PRKN: variants seen among roughly 807,000 people sequenced by gnomAD.
PRKN encodes parkin RBR E3 ubiquitin protein ligase.
Under a neutral mutation model 59.5 loss-of-function variants are expected in PRKN, and 56 were observed. The observed-to-expected ratio is 0.94, with a 90% CI of 0.76 to 1.18. The LOEUF (loss-of-function observed/expected upper bound fraction) is 1.18. PRKN is among the 50% of genes most tolerant of loss of function. PRKN has a pLI of 0.00. For missense variants in PRKN, 657 were observed against 596.4 expected (o/e 1.10, Z -1.06); for synonymous variants, 250 against 222.1 (o/e 1.13, Z -1.12).
chr6:162,089,406 G>A (rs1779381165), intron 4 of PRKN, among the ~76,000 whole-genome samples: 1 of 152,094 alleles, frequency 6.6e-6, no homozygotes, highest in East Asian at 1.9e-4. Flanking sequence ...AGAATAACGG[G>A]TGCTGTCAAG....
At chr6:162,284,223 T>C (rs1333388096) in intron 2 of PRKN, among the ~76,000 whole-genome samples, 7 of 139,920 alleles carry the variant, frequency 5.0e-5, no homozygotes, top group Non-Finnish European at 7.7e-5. Flanking sequence ...TTCTTTTTTT[T>C]TTTTTTTTTT....
Position 162,189,586 on chromosome 6 carries a change from GCAC to G in PRKN, c.534+11542_534+11544del, listed in dbSNP as rs372108234. 3.8e-3 allele frequency among the ~76,000 whole-genome samples: 580 copies of G among 151,624 alleles called. 3 individuals carry two copies. Among genetic ancestry groups the G allele is most frequent in the African/African-American group, 0.014 (559 of 41,392 alleles). On this transcript the variant is annotated intron_variant, in intron 4 of 11. Transcript: ENST00000366898. ...TACTATGTGGCAGGCACTATGCTAAGCACCAAAGTATGGTCCCTGCCCCAAGGA... is the reference window on the plus strand; with the variant it reads ...TACTATGTGGCAGGCACTATGCTAAGCAAAGTATGGTCCCTGCCCCAAGGA...
intron 2 of PRKN, among the ~76,000 whole-genome samples, chr6:162,275,785 CA>C (rs60313068): frequency 4.0e-4 from 52 of 130,082 alleles, no homozygotes; most frequent in Middle Eastern, 3.7e-3. Flanking sequence ...AAATCCGTCT[CA>C]AAAAAAAAAA....
In PRKN at chr6:161,552,948, A is replaced by G. The variant is rs538343837; in HGVS notation, c.934-3945T>C. On this transcript the variant is annotated intron_variant, in intron 8 of 11. Coordinates refer to ENST00000366898, the MANE Select transcript of PRKN (RefSeq NM_004562.3). This position sits in a 1 kb window ranked among gnomAD's most constrained non-coding sequence, Gnocchi z 4.9. The stretch of plus-strand genomic sequence containing the variant: ...TGGGACTACAGGTGTGTACCACCAC[A>G]CCCAGCTAGCTTTTGTATTTTTAGT... Among the ~76,000 whole-genome samples the G allele has an allele frequency of 6.6e-6, 1 of 151,794 alleles. No individual in the cohort carries two copies. Among genetic ancestry groups the G allele is most frequent in the East Asian group, 1.9e-4 (1 of 5,142 alleles).
intron 10 of PRKN, chr6:161,370,016 C>T (rs770828970): frequency 1.6e-5 from 7 of 441,858 alleles, no homozygotes; most frequent in Middle Eastern, 3.3e-4. Flanking sequence ...TGATCACCAC[C>T]ATTATTACTT....
At chr6:161,519,441 A>G (rs564841953) in intron 9 of PRKN, among the ~76,000 whole-genome samples, 2 of 152,150 alleles carry the variant, frequency 1.3e-5, no homozygotes, top group South Asian at 2.1e-4. Flanking sequence ...TTTGATTAGT[A>G]TCAGGGTAGT....
chr6:162,633,309 C>A (rs2155499), intron 1 of PRKN, among the ~76,000 whole-genome samples: 92,574 of 150,954 alleles, frequency 0.61, 29,097 homozygotes, highest in African/African-American at 0.75. Flanking sequence ...GTGGTAGGTG[C>A]CTGTAAGCCC....
chr6:162,033,847 C>T (rs56155277), intron 5 of PRKN, among the ~76,000 whole-genome samples: 6,054 of 152,052 alleles, frequency 0.04, 156 homozygotes, highest in Non-Finnish European at 0.055. Flanking sequence ...TATTAATCTC[C>T]AGAATTTAGA....
At chr6:162,312,817 C>T (rs893490215) in intron 2 of PRKN, among the ~76,000 whole-genome samples, 4 of 152,042 alleles carry the variant, frequency 2.6e-5, no homozygotes, top group Non-Finnish European at 5.9e-5. Context: ...CAAGGATTTC[C>T]CTTGAAGTAC....
intron 6 of PRKN, among the ~76,000 whole-genome samples, chr6:161,833,744 C>T (rs73785432): frequency 9.2e-5 from 14 of 152,140 alleles, no homozygotes; most frequent in African/African-American, 2.7e-4. Flanking sequence ...TTGTTGTGTC[C>T]GAGGCTAGCA....
At chr6:162,569,629 CT>C in intron 1 of PRKN, 1 of 706,454 alleles carries the variant, frequency 1.4e-6, no homozygotes, top group Non-Finnish European at 2.6e-6. Context: ...GCTCCAGCTC[CT>C]TCAGCTGCAC....
chr6:162,405,607 G>A (rs886095539), intron 2 of PRKN, among the ~76,000 whole-genome samples: 2 of 152,146 alleles, frequency 1.3e-5, no homozygotes, highest in African/African-American at 4.8e-5. Context: ...GGGGGACACG[G>A]CCTTTAAAGA....
chr6:162,000,409 C>T (rs1215227027), intron 5 of PRKN, among the ~76,000 whole-genome samples: 2 of 152,002 alleles, frequency 1.3e-5, no homozygotes, highest in African/African-American at 2.4e-5. Context: ...CATGGTAAGA[C>T]GTTGAGCATC....
Position 161,560,256 on chromosome 6 carries a change from C to T in PRKN, c.933+9099G>A, listed in dbSNP as rs1255302227. Among the ~76,000 whole-genome samples the T allele has an allele frequency of 6.6e-6, 1 of 152,204 alleles. No homozygotes were observed. The highest frequency in any genetic ancestry group is 1.5e-5 in the Non-Finnish European group (1 of 68,044). On this transcript the variant is annotated intron_variant, in intron 8 of 11. Coordinates refer to ENST00000366898, the MANE Select transcript of PRKN (RefSeq NM_004562.3). The surrounding 1 kb of genome is among the most constrained non-coding windows in gnomAD (Gnocchi z 4.9). Reference sequence around the variant, plus strand: ...GGTTTCCCTGTCCACACTGACTTAACTGAAACTGATCCATCTCCCTTGCAA... The same window carrying T: ...GGTTTCCCTGTCCACACTGACTTAATTGAAACTGATCCATCTCCCTTGCAA...
intron 2 of PRKN, among the ~76,000 whole-genome samples, chr6:162,273,609 T>C (rs992601271): frequency 1.1e-4 from 17 of 152,182 alleles, no homozygotes; most frequent in Admixed American, 1.3e-4. Context: ...CTTACTGATG[T>C]TTTTGGAAAC....
At chr6:162,641,285 A>C (rs1256941666) in intron 1 of PRKN, among the ~76,000 whole-genome samples, 1 of 147,594 alleles carries the variant, frequency 6.8e-6, no homozygotes, top group Non-Finnish European at 1.5e-5. Context: ...AAGTGAAAGA[A>C]TAATCTTTAT....
Position 162,201,219 on chromosome 6 carries a change from T to A in PRKN, c.446A>T (p.Tyr149Phe). 1 of 1,613,946 alleles carries A rather than the reference T, an allele frequency of 6.2e-7. No homozygotes were observed. The highest frequency in any genetic ancestry group is 8.5e-7 in the Non-Finnish European group (1 of 1,179,856). Residue 149 changes from tyrosine to phenylalanine, a missense_variant, in exon 4 of 12, where the codon TAT becomes TTT. Coordinates refer to ENST00000366898, the MANE Select transcript of PRKN (RefSeq NM_004562.3). ...GRSIYNSFYV[Y>F]CKGPCQRVQP... is the part of the protein sequence containing the mutation. ...CACTCTTTGACAGGGGCCTTTGCAA[T>A]ACACATAAAAGCTGTTGTAGATTGA...
intron 5 of PRKN, among the ~76,000 whole-genome samples, chr6:161,996,123 G>A (rs1436686775): frequency 6.6e-6 from 1 of 152,062 alleles, no homozygotes; most frequent in Non-Finnish European, 1.5e-5. Flanking sequence ...TCAAGATATG[G>A]AGTCAACCTG....
intron 7 of PRKN, among the ~76,000 whole-genome samples, chr6:161,682,384 A>G (rs1785398769): frequency 6.6e-6 from 1 of 152,240 alleles, no homozygotes. Flanking sequence ...AAGAAACTAA[A>G]GAAGTATGGC....
Sources: allele counts gnomAD v4.1 joint callset (sites outside exome capture counted in the v4.1 genomes callset), GRCh38; gene constraint gnomAD v4.1.1; non-coding constraint Gnocchi (gnomAD v3.1); transcripts MANE v1.5; gene names NCBI Gene and HGNC (gene_info 2026-07-23, HGNC 2026-07-21).